Variants in RAB10 observed in about 807,000 individuals in gnomAD.
The protein encoded by RAB10 is ras-related protein Rab-10.
Under a neutral mutation model 25.7 loss-of-function variants are expected in RAB10, and 5 were observed. The ratio of observed to expected loss-of-function variants is 0.19; its 90% CI spans 0.10 to 0.41. The LOEUF (loss-of-function observed/expected upper bound fraction) is 0.41. Among genes scored for constraint, RAB10 ranks in the 10% least tolerant of loss-of-function variants. RAB10 has a pLI of 1.00. For missense variants in RAB10, 103 were observed against 245.8 expected (o/e 0.42, Z 3.89); for synonymous variants, 89 against 86.4 (o/e 1.03, Z -0.16).
chr2:26,120,680 C>G lies in RAB10; in HGVS notation c.328-6464C>G, dbSNP rs1016642599. On this transcript the variant is annotated intron_variant, in intron 3 of 5. Transcript: ENST00000264710. Reference sequence around the variant, plus strand: ...TCTTGGCTCACTGCAAGCTCTACCTCCCGGGTTCACACCATTCTCCTGCCT... The same window carrying G: ...TCTTGGCTCACTGCAAGCTCTACCTGCCGGGTTCACACCATTCTCCTGCCT... 2.0e-5 allele frequency among the ~76,000 whole-genome samples: 3 copies of G among 151,770 alleles called. No individual in the cohort carries two copies. The East Asian group carries it at 5.8e-4, about 29-fold the overall frequency.
At chr2:26,118,129 C>A (rs757132898) in intron 3 of RAB10, among the ~76,000 whole-genome samples, 2 of 151,996 alleles carry the variant, frequency 1.3e-5, no homozygotes, top group African/African-American at 4.8e-5. Flanking sequence ...TGTGCCACCA[C>A]GCCTGGCTAA....
chr2:26,109,978 C>T (rs1667537649), intron 3 of RAB10, 72 bp downstream of exon 3: 2 of 1,354,952 alleles, frequency 1.5e-6, no homozygotes, highest in Non-Finnish European at 2.0e-6. Flanking sequence ...AATAAATATT[C>T]CAACTGATCT....
intron 1 of RAB10, among the ~76,000 whole-genome samples, chr2:26,056,419 A>G (rs1308270632): frequency 6.6e-6 from 1 of 151,792 alleles, no homozygotes; most frequent in East Asian, 1.9e-4. Context: ...GTATGGTCTC[A>G]ATCTCCTGAC....
intron 1 of RAB10, among the ~76,000 whole-genome samples, chr2:26,069,959 G>T (rs564400689): frequency 5.3e-4 from 80 of 152,228 alleles, no homozygotes; most frequent in African/African-American, 1.9e-3. Flanking sequence ...TGCCCTCCCC[G>T]GCTTCCCAAA....
At chr2:26,061,867 C>T (rs1482100510) in intron 1 of RAB10, among the ~76,000 whole-genome samples, 1 of 151,814 alleles carries the variant, frequency 6.6e-6, no homozygotes, top group Non-Finnish European at 1.5e-5. Flanking sequence ...AGTGCTCCTC[C>T]TGCCTCAGCC....
intron 1 of RAB10, among the ~76,000 whole-genome samples, chr2:26,052,302 C>T (rs994000886): frequency 6.6e-6 from 1 of 151,840 alleles, no homozygotes; most frequent in Non-Finnish European, 1.5e-5. Context: ...AGGTAGACTG[C>T]TTGAGCCTGG....
intron 1 of RAB10, among the ~76,000 whole-genome samples, chr2:26,055,850 A>G (rs550732790): frequency 6.6e-6 from 1 of 150,810 alleles, no homozygotes; most frequent in South Asian, 2.1e-4. Flanking sequence ...TTGTTTTCTT[A>G]CCTTACATAG....
At chr2:26,056,285 G>A (rs1559580103) in intron 1 of RAB10, among the ~76,000 whole-genome samples, 1 of 151,816 alleles carries the variant, frequency 6.6e-6, no homozygotes, top group Admixed American at 6.6e-5. Context: ...TGCAACCTGC[G>A]CCTCCCGGGT....
chr2:26,073,192 T>G (rs2149271058), intron 1 of RAB10, among the ~76,000 whole-genome samples: 1 of 152,324 alleles, frequency 6.6e-6, no homozygotes, highest in African/African-American at 2.4e-5. Flanking sequence ...TTGTTGATTT[T>G]AAAAGTAGAG....
chr2:26,078,730 G>A (rs1190269574), intron 1 of RAB10, among the ~76,000 whole-genome samples: 1 of 152,056 alleles, frequency 6.6e-6, no homozygotes, highest in East Asian at 1.9e-4. Context: ...TCACATTGAG[G>A]CACATCCTAG....
At chr2:26,125,140 C>A (rs1027951643) in intron 3 of RAB10, among the ~76,000 whole-genome samples, 2 of 152,152 alleles carry the variant, frequency 1.3e-5, no homozygotes, top group African/African-American at 4.8e-5. Context: ...ATTGCTGGAT[C>A]ATATGATAAT....
intron 2 of RAB10, among the ~76,000 whole-genome samples, chr2:26,103,552 G>A (rs892011980): frequency 2.0e-5 from 3 of 151,908 alleles, no homozygotes; most frequent in African/African-American, 7.3e-5. Flanking sequence ...TTATTTTTTT[G>A]GAAAGCCTAG....
chr2:26,109,789 A>G lies in RAB10; in HGVS notation c.210A>G (p.Arg70=). 6.2e-7 allele frequency: 1 copy of G among 1,604,518 alleles called. No homozygotes were observed. Among genetic ancestry groups the G allele is most frequent in the Non-Finnish European group, 8.5e-7 (1 of 1,176,336 alleles). The change falls in exon 3 of 6, where the codon CGA becomes CGG. Residue 70 remains arginine, a synonymous_variant. Transcript: ENST00000264710. The part of the protein sequence containing the change: ...LQIWDTAGQE[R]FHTITTSYYR... ...TCAGGGATACAGCAGGCCAGGAGCGATTTCACACCATCACAACCTCCTACT... is the reference window on the plus strand; with the variant it reads ...TCAGGGATACAGCAGGCCAGGAGCGGTTTCACACCATCACAACCTCCTACT...
At chr2:26,045,531 G>T (rs888462172) in intron 1 of RAB10, among the ~76,000 whole-genome samples, 17 of 149,298 alleles carry the variant, frequency 1.1e-4, no homozygotes, top group Admixed American at 8.6e-4. Flanking sequence ...GAGCCACCGC[G>T]CCCGGCCGTC....
intron 1 of RAB10, among the ~76,000 whole-genome samples, chr2:26,075,838 A>C (rs1338922484): frequency 3.9e-5 from 6 of 152,096 alleles, no homozygotes; most frequent in Non-Finnish European, 7.3e-5. Flanking sequence ...ATGTCCTTAA[A>C]AGGTGGAGGG....
intron 3 of RAB10, among the ~76,000 whole-genome samples, chr2:26,118,680 T>A (rs903593766): frequency 6.6e-5 from 10 of 152,212 alleles, no homozygotes; most frequent in African/African-American, 2.4e-4. Context: ...TATTTTTGGT[T>A]ATCACAGCTT....
intron 1 of RAB10, among the ~76,000 whole-genome samples, chr2:26,062,608 G>A (rs1001492440): frequency 1.3e-5 from 2 of 152,026 alleles, no homozygotes; most frequent in South Asian, 2.1e-4. Flanking sequence ...AACCACGGAG[G>A]TGGGGGTTGC....
chr2:26,050,346 T>G (rs1221404931), intron 1 of RAB10, among the ~76,000 whole-genome samples: 1 of 152,224 alleles, frequency 6.6e-6, no homozygotes, highest in Non-Finnish European at 1.5e-5. Context: ...CCATTCTGAT[T>G]CTTTATCCTT....
intron 1 of RAB10, among the ~76,000 whole-genome samples, chr2:26,036,487 C>T (rs1253263809): frequency 6.6e-6 from 1 of 152,078 alleles, no homozygotes; most frequent in East Asian, 2.0e-4. Flanking sequence ...GGTGAAACCC[C>T]GTTTTTACTA....
Sources: gnomAD v4.1 joint callset for allele counts (sites outside exome capture counted in the v4.1 genomes callset) on GRCh38, gnomAD v4.1.1 for gene constraint, MANE v1.5 for transcripts, NCBI Gene and HGNC (gene_info 2026-07-23, HGNC 2026-07-21) for gene names.